Variants in TEX14 observed in about 807,000 individuals in gnomAD.
TEX14 encodes testis expressed 14, intercellular bridge forming factor.
TEX14 carries 168 observed loss-of-function variants against 178.6 expected under a neutral mutation model. The ratio of observed to expected loss-of-function variants is 0.94; its 90% CI spans 0.83 to 1.07. The LOEUF (loss-of-function observed/expected upper bound fraction) is 1.07. Ranked by LOEUF, TEX14 falls within the 50% of genes least tolerant of loss-of-function variation. The probability of loss-of-function intolerance (pLI) is 0.00; values close to 1 mark genes in which losing one functional copy is unlikely to be tolerated. For missense variants in TEX14, 1,730 were observed against 1,753.6 expected (o/e 0.99, Z 0.24); for synonymous variants, 626 against 634.1 (o/e 0.99, Z 0.19).
chr17:58,565,214 T>G (rs140390742), intron 27 of TEX14, among the ~76,000 whole-genome samples: 13 of 152,200 alleles, frequency 8.5e-5, no homozygotes, highest in African/African-American at 2.9e-4. Flanking sequence ...ACCTTGCTTG[T>G]GCCAAGGCTC....
intron 1 of TEX14, among the ~76,000 whole-genome samples, chr17:58,673,058 T>TA (rs978202610): frequency 6.6e-6 from 1 of 151,798 alleles, no homozygotes; most frequent in African/African-American, 2.4e-5. Flanking sequence ...ATACTTTTTT[T>TA]AAAAAAAATT....
chr17:58,688,870 C>A (rs1476297271), intron 1 of TEX14, among the ~76,000 whole-genome samples: 1 of 152,054 alleles, frequency 6.6e-6, no homozygotes, highest in Non-Finnish European at 1.5e-5. Flanking sequence ...TGACCTCATA[C>A]TTTTCTCTTA....
In TEX14 at chr17:58,689,981, C is replaced by T. The variant is rs142543496; in HGVS notation, c.-2+1958G>A. ...TCTCCTGCCTCAGCCTCCCGAGTAG[C>T]TGGGACTACAGGCGCCCACCACCGC... On this transcript the variant is annotated intron_variant, in intron 1 of 31. Coordinates refer to ENST00000349033, the MANE Select transcript of TEX14 (RefSeq NM_031272.5). 4.8e-3 allele frequency among the ~76,000 whole-genome samples: 730 copies of T among 151,450 alleles called. 17 individuals are homozygous for T. The highest frequency in any genetic ancestry group is 0.017 in the African/African-American group (690 of 41,238).
chr17:58,622,835 A>T lies in TEX14; in HGVS notation c.417+12T>A. On this transcript the variant is annotated intron_variant, in intron 4 of 31. Coordinates refer to ENST00000349033, the MANE Select transcript of TEX14 (RefSeq NM_031272.5). ...CTAGTGGGCATGGCTACAGAGTGGGACCCACCCTTACCTGGGTGCTACGCT... is the reference window on the plus strand; with the variant it reads ...CTAGTGGGCATGGCTACAGAGTGGGTCCCACCCTTACCTGGGTGCTACGCT... The T allele has an allele frequency of 6.2e-7, 1 of 1,600,240 alleles. No homozygotes were observed. Among genetic ancestry groups the T allele is most frequent in the Non-Finnish European group, 8.5e-7 (1 of 1,169,978 alleles).
chr17:58,625,399 T>G (rs1039662581), intron 3 of TEX14, among the ~76,000 whole-genome samples: 1 of 152,226 alleles, frequency 6.6e-6, no homozygotes, highest in Admixed American at 6.5e-5. Flanking sequence ...CCTCCCAAAG[T>G]GCTGGGATTA....
intron 7 of TEX14, 26 bp downstream of exon 7, chr17:58,616,149 C>A: frequency 6.2e-7 from 1 of 1,600,614 alleles, no homozygotes. Flanking sequence ...CTGAATCAGA[C>A]CTCAAACTGG....
chr17:58,582,539 G>A (rs1172876118), intron 19 of TEX14, among the ~76,000 whole-genome samples: 3 of 151,226 alleles, frequency 2.0e-5, no homozygotes, highest in African/African-American at 7.3e-5. Flanking sequence ...TTACAGACAT[G>A]AGCCACCACA....
At chr17:58,638,854 C>CTTT (rs1210311633) in intron 2 of TEX14, among the ~76,000 whole-genome samples, 23 of 75,102 alleles carry the variant, frequency 3.1e-4, no homozygotes, top group African/African-American at 4.8e-4. Context: ...GACTATTATT[C>CTTT]TTTTTTTTTT....
At chr17:58,620,550 G>C (rs1174235554) in intron 5 of TEX14, among the ~76,000 whole-genome samples, 1 of 152,052 alleles carries the variant, frequency 6.6e-6, no homozygotes, top group African/African-American at 2.4e-5. Context: ...CTGGAGTGCA[G>C]TGGTGCGATC....
chr17:58,620,522 G>C (rs1428304038), intron 5 of TEX14, among the ~76,000 whole-genome samples: 1 of 151,088 alleles, frequency 6.6e-6, no homozygotes, highest in African/African-American at 2.4e-5. Flanking sequence ...GAGACAGTGT[G>C]TTGCTCTGTC....
intron 30 of TEX14, 102 bp downstream of exon 30, chr17:58,559,351 G>A: frequency 1.6e-6 from 1 of 607,462 alleles, no homozygotes; most frequent in East Asian, 2.8e-5. Flanking sequence ...ATCAAAGGTA[G>A]GAGGATTATG....
chr17:58,584,646 C>T (rs2044908283), intron 18 of TEX14, 46 bp from the exon 19 acceptor site: 1 of 1,426,886 alleles, frequency 7.0e-7, no homozygotes, highest in African/African-American at 1.4e-5. Flanking sequence ...CAGTGATATT[C>T]AGACAACATG....
chr17:58,690,523 A>G (rs1449586046), intron 1 of TEX14, among the ~76,000 whole-genome samples: 3 of 152,158 alleles, frequency 2.0e-5, no homozygotes, highest in African/African-American at 7.2e-5. Context: ...GACTGATTCC[A>G]CTGAGTTTGA....
intron 21 of TEX14, among the ~76,000 whole-genome samples, chr17:58,575,696 A>C (rs964305409): frequency 2.0e-5 from 3 of 152,238 alleles, no homozygotes; most frequent in African/African-American, 7.2e-5. Context: ...CTGCCTTAGC[A>C]ATCAAGGAAG....
chr17:58,658,901 T>A (rs992978745), intron 1 of TEX14, among the ~76,000 whole-genome samples: 4 of 151,778 alleles, frequency 2.6e-5, no homozygotes, highest in Middle Eastern at 3.4e-3. Context: ...TGGGATCAAA[T>A]GATTTTCCCA....
At position 58,597,305 on chromosome 17, in the gene TEX14, A is replaced by C. The variant is rs751486060; in HGVS notation, c.2469+1571T>G. Among the ~76,000 whole-genome samples the C allele has an allele frequency of 3.4e-4, 52 of 152,150 alleles. 1 individual carries two copies. The highest frequency in any genetic ancestry group is 1.3e-4 in the Non-Finnish European group (9 of 68,022). The stretch of plus-strand genomic sequence containing the variant: ...TCCCAGCTACTCGGGAGGCTGAGGC[A>C]GGAGAATCGCTTGAACCTGGGAGGC... On this transcript the variant is annotated intron_variant, in intron 14 of 31. Coordinates refer to ENST00000349033, the MANE Select transcript of TEX14 (RefSeq NM_031272.5).
chr17:58,660,844 C>T (rs373974990), intron 1 of TEX14: 21 of 788,496 alleles, frequency 2.7e-5, no homozygotes, highest in Non-Finnish European at 4.9e-5. Context: ...CTTTGGCTTG[C>T]GCCATGTTCC....
chr17:58,573,226 T>G lies in TEX14; in HGVS notation c.3466A>C (p.Lys1156Gln). ...ACACTGGTAGGTGCATGGTTTATTTTGGGTGTTTTGCATGAAGCTTCCTTA... is the reference window on the plus strand; with the variant it reads ...ACACTGGTAGGTGCATGGTTTATTTGGGGTGTTTTGCATGAAGCTTCCTTA... ...SFKEASCKTPKINHAPTSVST... is the reference protein window; with the variant it reads ...SFKEASCKTPQINHAPTSVST... The change falls in exon 23 of 32, where the codon AAA (lysine) becomes CAA (glutamine). Residue 1156 changes from lysine to glutamine, a missense_variant. Physicochemically the swap from Lys to Gln is moderately conservative, Grantham distance 53. Around this residue, in one of 2 missense-constraint regions of TEX14, gnomAD observed 941 missense variants for 1,072.4 expected, o/e 0.88. Coordinates refer to ENST00000349033, the MANE Select transcript of TEX14 (RefSeq NM_031272.5). The G allele has an allele frequency of 6.2e-7, 1 of 1,614,162 alleles. No homozygotes were observed.
intron 18 of TEX14, 73 bp downstream of exon 18, chr17:58,585,728 T>C (rs2044947781): frequency 4.0e-6 from 6 of 1,498,598 alleles, no homozygotes; most frequent in Non-Finnish European, 5.4e-6. Context: ...GTGCTGGAAT[T>C]ACAGGCTGAG....
Sources: gnomAD v4.1 joint callset for allele counts (sites outside exome capture counted in the v4.1 genomes callset) on GRCh38, gnomAD v4.1.1 for gene constraint, gnomAD v4.1.1 regional missense constraint, MANE v1.5 for transcripts, NCBI Gene and HGNC (gene_info 2026-07-23, HGNC 2026-07-21) for gene names.